HPCAL1: variants seen among roughly 807,000 people sequenced by gnomAD.
HPCAL1 encodes hippocalcin-like protein 1.
In HPCAL1, 8 loss-of-function variants were observed where a neutral mutation model predicts 17.1. The observed-to-expected ratio is 0.47, with a 90% CI of 0.27 to 0.84. The LOEUF is 0.84. Ranked by LOEUF, HPCAL1 falls within the 40% of genes least tolerant of loss-of-function variation. The pLI is 0.13. For missense variants in HPCAL1, 165 were observed against 271.1 expected (o/e 0.61, Z 2.75); for synonymous variants, 112 against 111.4 (o/e 1.01, Z -0.03).
At position 10,420,013 on chromosome 2, in the gene HPCAL1, A is replaced by G; in HGVS notation, c.256A>G (p.Ile86Val). Residue 86 changes from isoleucine to valine, a missense_variant, in exon 3 of 5, where the codon ATC (isoleucine) becomes GTC (valine). Coordinates refer to ENST00000307845, the MANE Select transcript of HPCAL1 (RefSeq NM_002149.4). Reference protein sequence around the residue: ...GDGTIDFREFIIALSVTSRGK... With the variant: ...GDGTIDFREFVIALSVTSRGK... ...CGGCACCATCGACTTCCGGGAGTTC[A>G]TCATTGCGCTGAGCGTGACCTCGCG... is the stretch of plus-strand genomic sequence containing the variant. The G allele has an allele frequency of 1.2e-6, 2 of 1,613,982 alleles. No homozygotes were observed. Among genetic ancestry groups the G allele is most frequent in the Admixed American group, 1.7e-5 (1 of 60,020 alleles).
intron 1 of HPCAL1, among the ~76,000 whole-genome samples, chr2:10,385,732 A>G (rs1404753030): frequency 3.3e-5 from 5 of 152,140 alleles, no homozygotes; most frequent in African/African-American, 4.8e-5. Context: ...TTTGCAGGGA[A>G]TGAATAATTT....
chr2:10,337,888 C>G (rs1015081747), intron 1 of HPCAL1, among the ~76,000 whole-genome samples: 3 of 152,160 alleles, frequency 2.0e-5, no homozygotes, highest in African/African-American at 7.2e-5. Flanking sequence ...CGAGCCTGCC[C>G]TCTGAGGATG....
intron 1 of HPCAL1, among the ~76,000 whole-genome samples, chr2:10,349,310 C>G (rs1331081835): frequency 6.6e-6 from 1 of 152,060 alleles, no homozygotes; most frequent in South Asian, 2.1e-4. Flanking sequence ...GCCCAGGTAG[C>G]CACTCTTCTA....
At chr2:10,326,266 T>G (rs1664010979) in intron 1 of HPCAL1, among the ~76,000 whole-genome samples, 1 of 152,238 alleles carries the variant, frequency 6.6e-6, no homozygotes, top group African/African-American at 2.4e-5. Context: ...GAGATCTCCC[T>G]GCCTCAAGGG....
chr2:10,424,488 A>G lies in HPCAL1; in HGVS notation c.484+1400A>G, dbSNP rs551268087. 6.6e-5 allele frequency: 31 copies of G among 470,868 alleles called. No homozygotes were observed. The East Asian group carries it at 8.3e-4, about 13-fold the overall frequency. The allele number at this position is 470,868 out of a possible 1,614,324, so 29.2% of individuals were successfully genotyped here. A position where few individuals can be genotyped will look rare whatever the true frequency, so the allele number is the denominator to read the frequency against. On this transcript the variant is annotated intron_variant, in intron 4 of 4. Coordinates refer to ENST00000307845, the MANE Select transcript of HPCAL1 (RefSeq NM_002149.4). ...CCTTAAAGCTTTTAGCAGGGCTTGC[A>G]CTCCACAAATAATGGCTGTTGTTCC...
chr2:10,400,836 G>T (rs1459447735), intron 2 of HPCAL1, among the ~76,000 whole-genome samples: 1 of 152,224 alleles, frequency 6.6e-6, no homozygotes, highest in Non-Finnish European at 1.5e-5. Context: ...ATCTGCCCTG[G>T]AATTGGTGGA....
intron 2 of HPCAL1, among the ~76,000 whole-genome samples, chr2:10,399,427 C>T (rs796083710): frequency 1.2e-5 from 1 of 84,272 alleles, no homozygotes; most frequent in African/African-American, 4.2e-5. Context: ...ACCACCATCA[C>T]CACCACCACC....
In HPCAL1 at chr2:10,422,889, C is replaced by G. The variant is rs531447979; in HGVS notation, c.379-94C>G. On this transcript the variant is annotated intron_variant, in intron 3 of 4. Transcript: ENST00000307845. ...GGCCACCGGGAGCCCCTGACCTCTC[C>G]GAGCCTTGTTGTGGGCTGGGCGGAA... 4.7e-6 allele frequency: 4 copies of G among 848,264 alleles called. No individual in the cohort carries two copies. In the African/African-American group the frequency reaches 5.0e-5, roughly 11 times the overall value. 52.5% of individuals were successfully genotyped at this position (848,264 alleles called of 1,614,324 possible).
chr2:10,421,630 G>A (rs749118964), intron 3 of HPCAL1, among the ~76,000 whole-genome samples: 1 of 152,230 alleles, frequency 6.6e-6, no homozygotes, highest in African/African-American at 2.4e-5. Context: ...GAGCCCAGGA[G>A]TTCAAGGTGA....
chr2:10,387,540 G>A (rs188742396), intron 1 of HPCAL1, among the ~76,000 whole-genome samples: 3 of 152,344 alleles, frequency 2.0e-5, no homozygotes, highest in South Asian at 4.1e-4. Context: ...GTAAGCAGGC[G>A]ATACTGACCC....
intron 1 of HPCAL1, among the ~76,000 whole-genome samples, chr2:10,375,180 C>T (rs1000111710): frequency 6.6e-6 from 1 of 152,248 alleles, no homozygotes; most frequent in African/African-American, 2.4e-5. Flanking sequence ...TACAGTGTGC[C>T]CTGCCCCAGC....
At chr2:10,358,730 C>T (rs1441946010) in intron 1 of HPCAL1, among the ~76,000 whole-genome samples, 3 of 152,122 alleles carry the variant, frequency 2.0e-5, no homozygotes, top group Admixed American at 1.3e-4. Context: ...GGAGAAGAGT[C>T]AGGAAAACCA....
In HPCAL1 at chr2:10,377,882, C is replaced by T. The variant is rs547590461; in HGVS notation, c.-110-18953C>T. Among the ~76,000 whole-genome samples the T allele has an allele frequency of 1.2e-4, 18 of 152,154 alleles. No individual in the cohort carries two copies. Among genetic ancestry groups the T allele is most frequent in the East Asian group, 3.9e-4 (2 of 5,182 alleles). On this transcript the variant is annotated intron_variant, in intron 1 of 4. Coordinates refer to ENST00000307845, the MANE Select transcript of HPCAL1 (RefSeq NM_002149.4). The surrounding 1 kb of genome is among the most constrained non-coding windows in gnomAD (Gnocchi z 5.9). ...CAAGGGCGGCAAGCCACCAAGGGGA[C>T]GGGGCAGGCACAGGGAGGGCATTTC...
In HPCAL1 at chr2:10,309,932, AATC is replaced by A. The variant is rs369077461; in HGVS notation, c.-111+6758_-111+6760del. Among the ~76,000 whole-genome samples the A allele has an allele frequency of 2.2e-3, 328 of 152,302 alleles. 11 individuals are homozygous for A. The South Asian group carries it at 0.067, about 31-fold the overall frequency. The stretch of plus-strand genomic sequence containing the variant: ...CATGGTGGACAGAAACCATGAAAGA[AATC>A]ATGGTGGAAAGAACCAAGACATTCT... On this transcript the variant is annotated intron_variant, in intron 1 of 4. Transcript: ENST00000307845.
chr2:10,355,383 G>A (rs1666083957), intron 1 of HPCAL1, among the ~76,000 whole-genome samples: 4 of 145,338 alleles, frequency 2.8e-5, no homozygotes, highest in South Asian at 2.2e-4. Flanking sequence ...CCCGGGAGGC[G>A]GAGCTTGCAG....
chr2:10,411,200 G>C (rs986913195), intron 2 of HPCAL1, among the ~76,000 whole-genome samples: 2 of 152,214 alleles, frequency 1.3e-5, no homozygotes, highest in African/African-American at 4.8e-5. Flanking sequence ...CTGGACACCA[G>C]CCAGGAGCAC....
In HPCAL1 at chr2:10,395,834, G is replaced by A. The variant is rs1668991032; in HGVS notation, c.-110-1001G>A. On this transcript the variant is annotated intron_variant, in intron 1 of 4. Coordinates refer to ENST00000307845, the MANE Select transcript of HPCAL1 (RefSeq NM_002149.4). This position sits in a 1 kb window ranked among gnomAD's most constrained non-coding sequence, Gnocchi z 4.4. ...GATGATGATTGTGCCTGCCTCCCAG[G>A]GCTGCTGTGTGGATTACGTTGGATA... 6.6e-6 allele frequency among the ~76,000 whole-genome samples: 1 copy of A among 152,118 alleles called. No homozygotes were observed. Among genetic ancestry groups the A allele is most frequent in the Non-Finnish European group, 1.5e-5 (1 of 68,036 alleles).
chr2:10,379,712 G>A (rs1667822368), intron 1 of HPCAL1, among the ~76,000 whole-genome samples: 1 of 152,178 alleles, frequency 6.6e-6, no homozygotes, highest in Non-Finnish European at 1.5e-5. Context: ...AATTCCAGAG[G>A]CTCTGGTCGC....
chr2:10,404,181 A>G (rs2125596599), intron 2 of HPCAL1, among the ~76,000 whole-genome samples: 1 of 152,268 alleles, frequency 6.6e-6, no homozygotes, highest in Admixed American at 6.5e-5. Context: ...CCTGCGAGTC[A>G]TTGACACCTA....
Sources: allele counts gnomAD v4.1 joint callset (sites outside exome capture counted in the v4.1 genomes callset), GRCh38; gene constraint gnomAD v4.1.1; non-coding constraint Gnocchi (gnomAD v3.1); transcripts MANE v1.5; gene names NCBI Gene and HGNC (gene_info 2026-07-23, HGNC 2026-07-21).